Variants in IQCE observed in about 807,000 individuals in gnomAD.
IQCE encodes the protein IQ domain-containing protein E.
In IQCE, 115 loss-of-function variants were observed where a neutral mutation model predicts 96.0. That is an observed-to-expected ratio of 1.20 (90% CI 1.03 to 1.40). The LOEUF (loss-of-function observed/expected upper bound fraction) is 1.40, where lower values mean the gene tolerates loss of function less well. IQCE is among the 40% of genes most tolerant of loss of function. The pLI is 0.00. For synonymous variants in IQCE, 412 were observed against 371.2 expected (o/e 1.11, Z -1.26); for missense variants, 1,041 against 909.1 (o/e 1.15, Z -1.87).
intron 18 of IQCE, among the ~76,000 whole-genome samples, chr7:2,602,144 G>T (rs1417128498): frequency 6.6e-6 from 1 of 152,168 alleles, no homozygotes; most frequent in African/African-American, 2.4e-5. Context: ...AGGTCCCTGC[G>T]AGGGGTGACA....
chr7:2,587,124 G>A (rs1257125098), intron 12 of IQCE, among the ~76,000 whole-genome samples: 1 of 152,068 alleles, frequency 6.6e-6, no homozygotes, highest in African/African-American at 2.4e-5. Context: ...GAGGGTGTAG[G>A]CTCTGAGAGG....
At position 2,611,872 on chromosome 7, in the gene IQCE, T is replaced by C. The variant is rs1048774984; in HGVS notation, c.*1710T>C. 3 of 152,178 alleles carry C rather than the reference T, an allele frequency of 2.0e-5. No individual in the cohort carries two copies. Among genetic ancestry groups the C allele is most frequent in the African/African-American group, 7.2e-5 (3 of 41,428 alleles). The allele number at this position is 152,178 out of a possible 1,614,324, so 9.4% of individuals were successfully genotyped here. On this transcript the variant is annotated 3_prime_UTR_variant, in exon 22 of 22. Transcript: ENST00000402050. ...TCCACTGAACTGGCTGGTAACTTGA[T>C]GGACTGTGTAACTGACACAGGCCCT...
At chr7:2,600,628 C>T (rs991180188) in intron 17 of IQCE, among the ~76,000 whole-genome samples, 39 of 152,236 alleles carry the variant, frequency 2.6e-4, no homozygotes, top group African/African-American at 8.9e-4. Flanking sequence ...GTCTGTCTCA[C>T]TCTTATTCAG....
chr7:2,587,707 AG>A, intron 12 of IQCE, 114 bp from the exon 13 acceptor site: 2 of 1,028,508 alleles, frequency 1.9e-6, no homozygotes, highest in Non-Finnish European at 3.0e-6. Flanking sequence ...GTGGCTCTGC[AG>A]CCCCGCAGGC....
intron 19 of IQCE, 98 bp from the exon 20 acceptor site, chr7:2,605,778 C>G: frequency 7.8e-7 from 1 of 1,285,634 alleles, no homozygotes; most frequent in Non-Finnish European, 1.0e-6. Flanking sequence ...CTGAGCTCTT[C>G]CTGTCTCCCT....
intron 12 of IQCE, among the ~76,000 whole-genome samples, chr7:2,587,586 A>G (rs1174479327): frequency 3.9e-5 from 6 of 151,950 alleles, no homozygotes; most frequent in Admixed American, 3.9e-4. Context: ...AAAGGATGTC[A>G]CCCCGAGATG....
chr7:2,563,001 C>A (rs1212195316), intron 1 of IQCE, among the ~76,000 whole-genome samples: 1 of 152,164 alleles, frequency 6.6e-6, no homozygotes, highest in African/African-American at 2.4e-5. Context: ...TCACAGCTCC[C>A]TGCAGCCTCA....
intron 17 of IQCE, among the ~76,000 whole-genome samples, chr7:2,599,899 T>G (rs958117005): frequency 2.0e-4 from 30 of 152,120 alleles, no homozygotes; most frequent in Non-Finnish European, 4.0e-4. Flanking sequence ...GTTCAAGCGA[T>G]TCTCCTGCCT....
rs190313173 is a variant in IQCE at position 2,593,962 on chromosome 7, C to T, written c.1349+836C>T. ...GAATAATTAGTAAGACATAGACTAC[C>T]GGAATGAAGAAAACTGTGGCCGGGC... On this transcript the variant is annotated intron_variant, in intron 15 of 21. Transcript: ENST00000402050. Among the ~76,000 whole-genome samples the T allele has an allele frequency of 1.2e-4, 18 of 152,250 alleles. No homozygotes were observed. In the South Asian group the frequency reaches 2.7e-3, roughly 23 times the overall value.
intron 14 of IQCE, 54 bp from the exon 15 acceptor site, chr7:2,592,968 G>T: frequency 6.5e-7 from 1 of 1,548,086 alleles, no homozygotes; most frequent in South Asian, 1.2e-5. Context: ...TTCCTGCTCT[G>T]ACATAACCTA....
intron 1 of IQCE, among the ~76,000 whole-genome samples, chr7:2,559,965 C>A (rs1044327482): frequency 6.6e-6 from 1 of 151,954 alleles, no homozygotes; most frequent in Admixed American, 6.6e-5. Flanking sequence ...TCCAGACCAG[C>A]CTGGGCAACA....
rs186794017 is a variant in IQCE, at chr7:2,588,852, C to T, written c.1044+975C>T. Among the ~76,000 whole-genome samples, 993 of 151,256 alleles carry T rather than the reference C, an allele frequency of 6.6e-3. 10 individuals carry two copies. Among genetic ancestry groups the T allele is most frequent in the South Asian group, 0.027 (130 of 4,784 alleles). ...AGCTAATTTTTGTATTTTTAGTAGACATGAGGTTTCACCATGTTGGCCAGA... is the reference window on the plus strand; with the variant it reads ...AGCTAATTTTTGTATTTTTAGTAGATATGAGGTTTCACCATGTTGGCCAGA... On this transcript the variant is annotated intron_variant, in intron 13 of 21. Coordinates refer to ENST00000402050, the MANE Select transcript of IQCE (RefSeq NM_152558.5).
At chr7:2,588,662 T>G (rs1244985578) in intron 13 of IQCE, among the ~76,000 whole-genome samples, 5 of 127,380 alleles carry the variant, frequency 3.9e-5, no homozygotes, top group African/African-American at 6.2e-5. Flanking sequence ...TGGTTTTTTT[T>G]TTTTTTTTTT....
intron 6 of IQCE, among the ~76,000 whole-genome samples, chr7:2,574,448 G>C (rs62442628): frequency 0.14 from 21,623 of 152,240 alleles, 1,749 homozygotes; most frequent in Non-Finnish European, 0.16. Context: ...TGAGAAGAAC[G>C]CTCTAACCAC....
intron 20 of IQCE, among the ~76,000 whole-genome samples, chr7:2,606,395 G>T (rs1287530125): frequency 6.6e-6 from 1 of 152,106 alleles, no homozygotes; most frequent in African/African-American, 2.4e-5. Flanking sequence ...CATATGACAG[G>T]CGACGCGTGC....
intron 18 of IQCE, 144 bp downstream of exon 18, chr7:2,601,608 G>A (rs1784440651): frequency 2.8e-6 from 2 of 706,822 alleles, no homozygotes; most frequent in Non-Finnish European, 5.1e-6. Flanking sequence ...GGAGTGCAGT[G>A]GTGCAATCTT....
intron 10 of IQCE, 78 bp downstream of exon 10, chr7:2,583,787 C>CGGCGGGGCGGGCACCGAGCTGGGT (rs1782869171): frequency 7.8e-5 from 1 of 12,754 alleles, no homozygotes; most frequent in South Asian, 1.7e-3. Flanking sequence ...CCGAGCTGGG[C>CGGCGGGGCGGGCACCGAGCTGGGT]GGCGGGGCGG....
chr7:2,607,190 GGAC>G lies in IQCE; in HGVS notation c.1934_1936del (p.Asp645del). 2 of 1,613,502 alleles carry G rather than the reference GGAC, an allele frequency of 1.2e-6. No individual in the cohort carries two copies. The highest frequency in any genetic ancestry group is 1.7e-6 in the Non-Finnish European group (2 of 1,179,720). On this transcript the variant is annotated inframe_deletion, in exon 21 of 22. Transcript: ENST00000402050. ...GGAGATCGGCTTCAGCCACACACGG[GGAC>G]GCCTCCTCCCCACCCTTCCTCGCAG...
chr7:2,596,124 A>G (rs1027743473), intron 16 of IQCE, among the ~76,000 whole-genome samples: 6 of 152,258 alleles, frequency 3.9e-5, no homozygotes, highest in African/African-American at 1.4e-4. Flanking sequence ...AAACCAGTAG[A>G]AGCCACCACC....
Sources: allele counts gnomAD v4.1 joint callset (sites outside exome capture counted in the v4.1 genomes callset), GRCh38; gene constraint gnomAD v4.1.1; transcripts MANE v1.5; gene names NCBI Gene and HGNC (gene_info 2026-07-23, HGNC 2026-07-21).